The following PTGES3 variants were observed in gnomAD, a reference collection of about 807,000 sequenced individuals.
PTGES3 encodes the protein prostaglandin E synthase 3, also known as Hsp90 co-chaperone.
Under a neutral mutation model 29.9 loss-of-function variants are expected in PTGES3, and 5 were observed. The observed-to-expected ratio is 0.17, with a 90% confidence interval of 0.09 to 0.35. The LOEUF (loss-of-function observed/expected upper bound fraction) is 0.35. Among genes scored for constraint, PTGES3 ranks in the 10% least tolerant of loss-of-function variants. PTGES3 has a pLI of 1.00. For missense variants in PTGES3, 128 were observed against 190.0 expected (o/e 0.67, Z 1.92); for synonymous variants, 49 against 57.8 (o/e 0.85, Z 0.69).
chr12:56,687,742 GC>G (rs1310614025), intron 1 of PTGES3: 4 of 1,373,540 alleles, frequency 2.9e-6, no homozygotes, highest in Non-Finnish European at 3.7e-6. Flanking sequence ...AACCCAGACA[GC>G]CAAAGGGGTA....
chr12:56,672,555 C>T (rs1952047866), intron 3 of PTGES3, among the ~76,000 whole-genome samples, 185 bp downstream of exon 3: 1 of 152,046 alleles, frequency 6.6e-6, no homozygotes, highest in South Asian at 2.1e-4. Flanking sequence ...TAAGCCCAAA[C>T]AGTGATAGCA....
intron 1 of PTGES3, among the ~76,000 whole-genome samples, chr12:56,675,746 AC>A (rs1422248371): frequency 3.3e-5 from 5 of 151,824 alleles, no homozygotes; most frequent in African/African-American, 1.2e-4. Context: ...ACATTATGAA[AC>A]CCCATCTCTA....
chr12:56,668,630 G>T (rs758716900), intron 5 of PTGES3, among the ~76,000 whole-genome samples: 1 of 152,136 alleles, frequency 6.6e-6, no homozygotes, highest in Non-Finnish European at 1.5e-5. Flanking sequence ...AAAATAATAT[G>T]AATAGAACAT....
chr12:56,680,551 A>AT (rs1208286123), intron 1 of PTGES3, among the ~76,000 whole-genome samples: 1 of 151,192 alleles, frequency 6.6e-6, no homozygotes, highest in Non-Finnish European at 1.5e-5. Context: ...AGGCCTAGCA[A>AT]TTTTTTTTAA....
chr12:56,665,859 A>C (rs1951765069), intron 6 of PTGES3: 1 of 866,896 alleles, frequency 1.2e-6, no homozygotes, highest in Non-Finnish European at 1.4e-6. Context: ...CGAACTCCTG[A>C]CCTCACGTAC....
chr12:56,685,402 T>TTC (rs954507504), intron 1 of PTGES3, among the ~76,000 whole-genome samples: 6 of 19,944 alleles, frequency 3.0e-4, no homozygotes, highest in East Asian at 3.4e-3. Flanking sequence ...TTCTTTTCTT[T>TTC]TTTTTTTTTT....
At chr12:56,670,489 G>GC in intron 4 of PTGES3, 125 bp from the exon 5 acceptor site, 1 of 678,772 alleles carries the variant, frequency 1.5e-6, no homozygotes, top group Non-Finnish European at 2.6e-6. Context: ...CTGGAGTGCA[G>GC]CAAGCATTCA....
chr12:56,678,130 G>T (rs1028861796), intron 1 of PTGES3, among the ~76,000 whole-genome samples: 1 of 152,052 alleles, frequency 6.6e-6, no homozygotes. Context: ...CCTTTCCATA[G>T]CAGAACTTTG....
intron 1 of PTGES3, among the ~76,000 whole-genome samples, chr12:56,681,891 G>C (rs893352729): frequency 6.6e-6 from 1 of 151,968 alleles, no homozygotes; most frequent in Non-Finnish European, 1.5e-5. Context: ...ACCCAGGCTG[G>C]AGTGCAGCAG....
chr12:56,684,028 T>C (rs1361212932), intron 1 of PTGES3, among the ~76,000 whole-genome samples: 1 of 148,032 alleles, frequency 6.8e-6, no homozygotes. Flanking sequence ...ACACAGTAAA[T>C]AGTAAAAAGT....
chr12:56,673,483 C>T (rs557228356), intron 1 of PTGES3, among the ~76,000 whole-genome samples: 4 of 28,110 alleles, frequency 1.4e-4, no homozygotes, highest in African/African-American at 4.6e-4. Flanking sequence ...AATACAAATA[C>T]GGAAAAAAAA....
At chr12:56,678,341 C>G (rs748174274) in intron 1 of PTGES3, among the ~76,000 whole-genome samples, 5 of 152,014 alleles carry the variant, frequency 3.3e-5, no homozygotes, top group Non-Finnish European at 7.4e-5. Context: ...CCAAGCCTGG[C>G]TAATTTTTGT....
chr12:56,671,570 A>G (rs1218131834), intron 4 of PTGES3, among the ~76,000 whole-genome samples, 179 bp downstream of exon 4: 3 of 152,230 alleles, frequency 2.0e-5, no homozygotes, highest in Admixed American at 1.3e-4. Flanking sequence ...ACACCAGTTA[A>G]TAACTGATAT....
chr12:56,672,629 G>A, intron 3 of PTGES3, 111 bp downstream of exon 3: 1 of 1,216,864 alleles, frequency 8.2e-7, no homozygotes, highest in Non-Finnish European at 1.1e-6. Flanking sequence ...AATATACATA[G>A]TTTGCCTCAC....
In PTGES3 at chr12:56,671,717, CA is replaced by C. The variant is rs753283683; in HGVS notation, c.285+31del. ...CTTTTATTACCTAAAATAAAAATATCAAACTTTTCAAAAAAGGAAAATGAAA... is the reference window on the plus strand; with the variant it reads ...CTTTTATTACCTAAAATAAAAATATCAACTTTTCAAAAAAGGAAAATGAAA... On this transcript the variant is annotated intron_variant, in intron 4 of 7. Transcript: ENST00000262033. 4 of 1,353,014 alleles carry C rather than the reference CA, an allele frequency of 3.0e-6. No homozygotes were observed. The South Asian group carries it at 4.3e-5, about 14-fold the overall frequency. The allele number at this position is 1,353,014 out of a possible 1,614,324, so 83.8% of individuals were successfully genotyped here.
rs1209012701 is a variant in PTGES3 at position 56,664,242 on chromosome 12, C to G, written c.*237G>C. 7.4e-6 allele frequency: 3 copies of G among 405,974 alleles called. No individual in the cohort carries two copies. The highest frequency in any genetic ancestry group is 1.4e-5 in the Non-Finnish European group (3 of 219,816). 25.1% of individuals were successfully genotyped at this position (405,974 alleles called of 1,614,324 possible). On this transcript the variant is annotated 3_prime_UTR_variant, in exon 8 of 8. Coordinates refer to ENST00000262033, the MANE Select transcript of PTGES3 (RefSeq NM_006601.7). ...AGGACCTCAACAGCTTCATGAAAGT[C>G]TGGGAAATGTTCATGCATAAGGTTA...
chr12:56,679,667 T>C (rs141310525), intron 1 of PTGES3, among the ~76,000 whole-genome samples: 12 of 152,058 alleles, frequency 7.9e-5, no homozygotes, highest in African/African-American at 2.9e-4. Flanking sequence ...TCTCCATATG[T>C]TTTGGGTTTG....
At position 56,670,430 on chromosome 12, in the gene PTGES3, T is replaced by G. The variant is rs973745439; in HGVS notation, c.286-66A>C. ...TTGCATTTGGCATGAACCTTAAGAC[T>G]ACGTTTTCTTTTCTTCTAAAGAGAC... On this transcript the variant is annotated intron_variant, in intron 4 of 7. Coordinates refer to ENST00000262033, the MANE Select transcript of PTGES3 (RefSeq NM_006601.7). The G allele has an allele frequency of 1.9e-5, 23 of 1,185,384 alleles. No individual in the cohort carries two copies. In the African/African-American group the frequency reaches 2.9e-4, roughly 15 times the overall value. The allele number at this position is 1,185,384 out of a possible 1,614,324, so 73.4% of individuals were successfully genotyped here.
chr12:56,678,715 A>C (rs967712970), intron 1 of PTGES3, among the ~76,000 whole-genome samples: 2 of 152,216 alleles, frequency 1.3e-5, no homozygotes, highest in African/African-American at 4.8e-5. Context: ...CAAGGCTAAC[A>C]AAGAGACCTT....
Sources: allele counts gnomAD v4.1 joint callset (sites outside exome capture counted in the v4.1 genomes callset), GRCh38; gene constraint gnomAD v4.1.1; transcripts MANE v1.5; gene names NCBI Gene and HGNC (gene_info 2026-07-23, HGNC 2026-07-21).